Variants in USH2A observed in about 807,000 individuals in gnomAD.
USH2A encodes usherin.
USH2A carries 443 observed loss-of-function variants against 538.9 expected under a neutral mutation model. The ratio of observed to expected loss-of-function variants is 0.82; its 90% confidence interval spans 0.76 to 0.89. The LOEUF is 0.89. Among genes scored for constraint, USH2A ranks in the 40% least tolerant of loss-of-function variants. USH2A has a pLI of 0.00. For synonymous variants in USH2A, 2,413 were observed against 2,273.5 expected, an observed-to-expected ratio of 1.06 and a Z score of -1.75; for missense variants, 6,633 against 6,324.8, an observed-to-expected ratio of 1.05 and a Z score of -1.65.
chr1:215,965,446 C>T lies in USH2A; in HGVS notation c.6991G>A (p.Gly2331Arg). ...ENRTLEAPPE[G>R]TVNVFVKTQG... ...GTTTTGACAAACACATTTACTGTTC[C>T]TTCAGGAGGAGCTTCTAGAGTTCGA... The change falls in exon 37 of 72, where the codon GGA becomes AGA. Residue 2331 changes from glycine (G) to arginine (R), a missense_variant. By Grantham distance (125) the Gly-to-Arg change is moderately radical. Coordinates refer to ENST00000307340, the MANE Select transcript of USH2A (RefSeq NM_206933.4). 1.2e-6 allele frequency: 2 copies of T among 1,613,676 alleles called. No homozygotes were observed. Among genetic ancestry groups the T allele is most frequent in the Non-Finnish European group, 1.7e-6 (2 of 1,179,728 alleles).
At chr1:215,961,911 A>T (rs1015400260) in intron 37 of USH2A, among the ~76,000 whole-genome samples, 1 of 152,068 alleles carries the variant, frequency 6.6e-6, no homozygotes. Context: ...GAGTGCTAGG[A>T]AAAAGCAATA....
chr1:215,770,729 A>G (rs1318337647), intron 55 of USH2A, among the ~76,000 whole-genome samples: 4 of 152,098 alleles, frequency 2.6e-5, no homozygotes, highest in Non-Finnish European at 5.9e-5. Context: ...TCTGCTGTGC[A>G]CGCTATTATT....
chr1:215,707,980 G>T (rs924907793), intron 61 of USH2A, among the ~76,000 whole-genome samples: 1 of 152,066 alleles, frequency 6.6e-6, no homozygotes, highest in Non-Finnish European at 1.5e-5. Flanking sequence ...TGCAACATGT[G>T]AACAATTAAA....
intron 36 of USH2A, among the ~76,000 whole-genome samples, chr1:215,965,947 A>G (rs1421114144): frequency 2.0e-5 from 3 of 151,578 alleles, no homozygotes; most frequent in Non-Finnish European, 4.4e-5. Context: ...ACACACACAC[A>G]CACACACACA....
Position 216,078,309 on chromosome 1 carries a change from A to G in USH2A, c.5352T>C (p.Phe1784=), listed in dbSNP as rs868019049. Residue 1784 remains phenylalanine (F), a synonymous_variant, in exon 27 of 72, where the codon TTT becomes TTC. Coordinates refer to ENST00000307340, the MANE Select transcript of USH2A (RefSeq NM_206933.4). The part of the protein sequence containing the change: ...LTFRLNTSLA[F]TQVDLLLGLS... ...GCCCCAGCAATAGATCCACTTGTGTAAAGGCAAGACTGGTATTTAACCGGA... is the reference window on the plus strand; with the variant it reads ...GCCCCAGCAATAGATCCACTTGTGTGAAGGCAAGACTGGTATTTAACCGGA... The G allele has an allele frequency of 6.2e-7, 1 of 1,613,766 alleles. No individual in the cohort carries two copies.
In USH2A at chr1:216,381,508, C is replaced by T. The variant is rs893143349; in HGVS notation, c.652-16423G>A. Among the ~76,000 whole-genome samples the T allele has an allele frequency of 2.0e-5, 3 of 151,798 alleles. 1 individual carries two copies. Among genetic ancestry groups the T allele is most frequent in the Admixed American group, 6.6e-5 (1 of 15,246 alleles). On this transcript the variant is annotated intron_variant, in intron 3 of 71. Coordinates refer to ENST00000307340, the MANE Select transcript of USH2A (RefSeq NM_206933.4). Reference sequence around the variant, plus strand: ...TTTTTTACAAAGACAAAGTAATCAACAATACTAGGGGGAAAAGTGGAAAGG... The same window carrying T: ...TTTTTTACAAAGACAAAGTAATCAATAATACTAGGGGGAAAAGTGGAAAGG...
intron 61 of USH2A, among the ~76,000 whole-genome samples, chr1:215,725,420 C>G (rs906687816): frequency 2.0e-5 from 3 of 152,182 alleles, no homozygotes; most frequent in African/African-American, 7.2e-5. Flanking sequence ...TCAAAGGTGT[C>G]AGATCATAAA....
At chr1:216,382,017 G>A (rs562867931) in intron 3 of USH2A, among the ~76,000 whole-genome samples, 1 of 152,290 alleles carries the variant, frequency 6.6e-6, no homozygotes, top group South Asian at 2.1e-4. Context: ...ATTCTTGCAA[G>A]AGCTTCTAAA....
rs564675753 is a variant in USH2A, at chr1:215,889,309, A to T, written c.7595-255T>A. Among the ~76,000 whole-genome samples, 18 of 152,318 alleles carry T rather than the reference A, an allele frequency of 1.2e-4. No individual in the cohort carries two copies. The South Asian group carries it at 3.3e-3, about 28-fold the overall frequency. On this transcript the variant is annotated intron_variant, in intron 40 of 71. Transcript: ENST00000307340. ...TCTCTAAGACAGCTTTATCAAAATCATGTCTTTTTATTCAAGCCATTGGTT... is the reference window on the plus strand; with the variant it reads ...TCTCTAAGACAGCTTTATCAAAATCTTGTCTTTTTATTCAAGCCATTGGTT...
At chr1:215,787,727 T>C (rs766030697) in intron 51 of USH2A, among the ~76,000 whole-genome samples, 3 of 152,150 alleles carry the variant, frequency 2.0e-5, no homozygotes, top group Non-Finnish European at 2.9e-5. Context: ...TCTTACCAAG[T>C]TGATCAAAAT....
At chr1:216,182,050 A>G (rs559693738) in intron 20 of USH2A, among the ~76,000 whole-genome samples, 1 of 152,218 alleles carries the variant, frequency 6.6e-6, no homozygotes, top group South Asian at 2.1e-4. Context: ...CTATTTTAAT[A>G]GGATACTTAG....
chr1:216,051,606 T>G (rs1322295567), intron 30 of USH2A, among the ~76,000 whole-genome samples: 3 of 152,188 alleles, frequency 2.0e-5, no homozygotes, highest in Non-Finnish European at 2.9e-5. Context: ...AGGAAAAGCA[T>G]GTTGGAATAT....
At chr1:216,395,030 T>C (rs1377452309) in intron 3 of USH2A, among the ~76,000 whole-genome samples, 2 of 152,132 alleles carry the variant, frequency 1.3e-5, no homozygotes, top group Non-Finnish European at 1.5e-5. Context: ...TCCAGTCGTT[T>C]TTAACTCTAA....
chr1:215,669,117 T>C (rs890164534), intron 64 of USH2A, among the ~76,000 whole-genome samples: 1 of 152,126 alleles, frequency 6.6e-6, no homozygotes, highest in Admixed American at 6.5e-5. Context: ...TTTAACCCAA[T>C]GACACAACAC....
chr1:216,083,295 T>G (rs2032011759), intron 26 of USH2A, 161 bp downstream of exon 26: 2 of 668,818 alleles, frequency 3.0e-6, no homozygotes, highest in East Asian at 2.9e-5. Flanking sequence ...AAATACAAAA[T>G]GTTTCACAGG....
intron 36 of USH2A, among the ~76,000 whole-genome samples, chr1:215,968,772 G>C (rs540839876): frequency 6.6e-6 from 1 of 152,186 alleles, no homozygotes; most frequent in African/African-American, 2.4e-5. Flanking sequence ...TAAATTTTCT[G>C]TTTCAATGAA....
chr1:216,379,336 G>C (rs2038891522), intron 3 of USH2A, among the ~76,000 whole-genome samples: 1 of 152,024 alleles, frequency 6.6e-6, no homozygotes, highest in Admixed American at 6.6e-5. Context: ...CTTCTTCTAA[G>C]GATTTGAGTA....
At chr1:216,033,778 G>C (rs1237799321) in intron 32 of USH2A, among the ~76,000 whole-genome samples, 1 of 152,166 alleles carries the variant, frequency 6.6e-6, no homozygotes, top group Non-Finnish European at 1.5e-5. Context: ...CGAGGCTGCA[G>C]TGAGCTGTGA....
At chr1:215,898,998 G>A (rs983921463) in intron 40 of USH2A, among the ~76,000 whole-genome samples, 9 of 152,092 alleles carry the variant, frequency 5.9e-5, no homozygotes, top group African/African-American at 2.2e-4. Context: ...TGGAAGAAAT[G>A]AATTAAGTAA....
Sources: allele counts gnomAD v4.1 joint callset (sites outside exome capture counted in the v4.1 genomes callset), GRCh38; gene constraint gnomAD v4.1.1; transcripts MANE v1.5; gene names NCBI Gene and HGNC (gene_info 2026-07-23, HGNC 2026-07-21).